EVI5: variants seen among roughly 807,000 people sequenced by gnomAD.
EVI5 encodes the protein ecotropic viral integration site 5.
A neutral mutation model predicts 112.0 loss-of-function variants in EVI5; 73 were observed. That is an observed-to-expected ratio of 0.65 (90% CI 0.54 to 0.79). EVI5 has a LOEUF of 0.79. Ranked by LOEUF, EVI5 falls within the 30% of genes least tolerant of loss-of-function variation. The pLI, the probability that EVI5 is intolerant of heterozygous loss-of-function variation, is 0.00. For missense variants in EVI5, 900 were observed against 968.8 expected (o/e 0.93, Z 0.94); for synonymous variants, 305 against 319.9 (o/e 0.95, Z 0.50).
chr1:92,676,223 G>C (rs998824308), intron 10 of EVI5, among the ~76,000 whole-genome samples: 2 of 151,942 alleles, frequency 1.3e-5, no homozygotes, highest in Non-Finnish European at 2.9e-5. Flanking sequence ...TTTTGAGGAG[G>C]ACCAAGGCAG....
At chr1:92,588,688 C>G (rs914438191) in intron 18 of EVI5, among the ~76,000 whole-genome samples, 2 of 152,136 alleles carry the variant, frequency 1.3e-5, no homozygotes, top group African/African-American at 4.8e-5. Context: ...GTTCACTAAT[C>G]CAGGTAGTGT....
chr1:92,604,981 T>TACAAAGTCAAACTCAAAGAGA (rs1650038662), intron 18 of EVI5, among the ~76,000 whole-genome samples: 1 of 152,200 alleles, frequency 6.6e-6, no homozygotes, highest in African/African-American at 2.4e-5. Flanking sequence ...AATGGTGGTT[T>TACAAAGTCAAACTCAAAGAGA]CCAGTTGCTG....
intron 19 of EVI5, among the ~76,000 whole-genome samples, chr1:92,546,856 T>TA (rs1217154989): frequency 6.6e-6 from 1 of 152,104 alleles, no homozygotes; most frequent in East Asian, 1.9e-4. Context: ...AGCAAGTCCT[T>TA]AGAGACCTAC....
At chr1:92,776,395 T>C (rs139648704) in intron 1 of EVI5, among the ~76,000 whole-genome samples, 2,677 of 152,240 alleles carry the variant, frequency 0.018, 81 homozygotes, top group African/African-American at 0.061. Flanking sequence ...AATAAAAATA[T>C]AGAATGTCAA....
At chr1:92,756,141 T>C (rs1262683971) in intron 1 of EVI5, 3 of 367,664 alleles carry the variant, frequency 8.2e-6, no homozygotes, top group African/African-American at 4.2e-5. Flanking sequence ...ACAGCCTAGG[T>C]GTTATGACTA....
At chr1:92,591,330 A>G (rs1673845313) in intron 18 of EVI5, among the ~76,000 whole-genome samples, 2 of 152,226 alleles carry the variant, frequency 1.3e-5, no homozygotes, top group South Asian at 4.1e-4. Context: ...AATTGGATAG[A>G]GTCAAGACCC....
chr1:92,756,662 A>G (rs1234142871), intron 1 of EVI5: 1 of 503,110 alleles, frequency 2.0e-6, no homozygotes, highest in African/African-American at 1.9e-5. Context: ...GTTCACTTTC[A>G]GCAACCTCAG....
intron 1 of EVI5, among the ~76,000 whole-genome samples, chr1:92,738,702 T>C (rs1250516753): frequency 1.3e-5 from 2 of 152,162 alleles, no homozygotes; most frequent in East Asian, 3.8e-4. Flanking sequence ...TTCTTAAATA[T>C]AGTTAGAGTA....
At chr1:92,657,816 G>A (rs1663267368) in intron 13 of EVI5, among the ~76,000 whole-genome samples, 1 of 152,192 alleles carries the variant, frequency 6.6e-6, no homozygotes, top group Non-Finnish European at 1.5e-5. Context: ...TTCTGGGAAG[G>A]CTTTTACTCA....
At chr1:92,770,909 G>A (rs1683332107) in intron 1 of EVI5, among the ~76,000 whole-genome samples, 1 of 151,566 alleles carries the variant, frequency 6.6e-6, no homozygotes, top group Non-Finnish European at 1.5e-5. Flanking sequence ...TCCGCCTCCT[G>A]GGTTCAAGTG....
At chr1:92,648,208 AAAAAAAAAAACAAAAAC>A (rs1661362116) in intron 13 of EVI5, among the ~76,000 whole-genome samples, 1 of 1,702 alleles carries the variant, frequency 5.9e-4, no homozygotes, top group African/African-American at 3.5e-3. Flanking sequence ...AAAAAAAAAA[AAAAAAAAAAACAAAAAC>A]CAGCCGGGCA....
intron 2 of EVI5, chr1:92,714,165 T>A (rs1673265545): frequency 1.0e-6 from 1 of 981,526 alleles, no homozygotes; most frequent in South Asian, 4.7e-5. Context: ...TTTCTTCACA[T>A]CTTTCTGGGG....
chr1:92,593,599 G>C (rs1457754447), intron 18 of EVI5, among the ~76,000 whole-genome samples: 2 of 152,294 alleles, frequency 1.3e-5, no homozygotes, highest in South Asian at 2.1e-4. Flanking sequence ...GAAATAAAGG[G>C]TATTCCATTA....
At chr1:92,683,072 A>G (rs1398361450) in intron 9 of EVI5, among the ~76,000 whole-genome samples, 1 of 152,182 alleles carries the variant, frequency 6.6e-6, no homozygotes, top group Non-Finnish European at 1.5e-5. Context: ...TTATTATTAA[A>G]CCAATGAGCC....
At chr1:92,677,273 T>C (rs1019412641) in intron 9 of EVI5, 55 bp from the exon 10 acceptor site, 1 of 981,386 alleles carries the variant, frequency 1.0e-6, no homozygotes. Context: ...AAAGTAGTTA[T>C]TAAATTACAA....
intron 19 of EVI5, among the ~76,000 whole-genome samples, chr1:92,528,132 C>T (rs1456969737): frequency 6.6e-6 from 1 of 152,240 alleles, no homozygotes; most frequent in Non-Finnish European, 1.5e-5. Flanking sequence ...ACTGACCACA[C>T]TGAATAACTT....
At chr1:92,588,276 C>CG (rs1557846995) in intron 18 of EVI5, among the ~76,000 whole-genome samples, 2 of 152,166 alleles carry the variant, frequency 1.3e-5, no homozygotes, top group African/African-American at 4.8e-5. Flanking sequence ...CCATCTGAGT[C>CG]GGGAAAGGTC....
intron 19 of EVI5, among the ~76,000 whole-genome samples, chr1:92,553,065 A>G (rs970617729): frequency 1.9e-4 from 29 of 152,132 alleles, no homozygotes; most frequent in Non-Finnish European, 3.5e-4. Flanking sequence ...CTTTATGAAT[A>G]TAACATAAAA....
At chr1:92,661,665 T>G (rs1217879769) in intron 13 of EVI5, among the ~76,000 whole-genome samples, 1 of 152,116 alleles carries the variant, frequency 6.6e-6, no homozygotes, top group Non-Finnish European at 1.5e-5. Context: ...CACTCTCCTA[T>G]TCATTTTTCT....
Sources: gnomAD v4.1 joint callset for allele counts (sites outside exome capture counted in the v4.1 genomes callset) on GRCh38, gnomAD v4.1.1 for gene constraint, MANE v1.5 for transcripts, NCBI Gene and HGNC (gene_info 2026-07-23, HGNC 2026-07-21) for gene names.